The following MCC variants were observed in gnomAD, a reference collection of about 807,000 sequenced individuals.
The protein encoded by MCC is colorectal mutant cancer protein.
A neutral mutation model predicts 116.2 loss-of-function variants in MCC; 90 were observed. That is an observed-to-expected ratio of 0.77 (90% CI 0.65 to 0.92). The LOEUF (loss-of-function observed/expected upper bound fraction) is 0.92, where lower values mean the gene tolerates loss of function less well. Among genes scored for constraint, MCC ranks in the 40% least tolerant of loss-of-function variants. The pLI is 0.00. For synonymous variants in MCC, 578 were observed against 510.5 expected, an observed-to-expected ratio of 1.13 and a Z score of -1.78; for missense variants, 1,516 against 1,312.2, an observed-to-expected ratio of 1.16 and a Z score of -2.40.
At chr5:113,446,730 C>A (rs1168727528) in intron 1 of MCC, among the ~76,000 whole-genome samples, 1 of 152,142 alleles carries the variant, frequency 6.6e-6, no homozygotes, top group Non-Finnish European at 1.5e-5. Context: ...CATGTTCTCA[C>A]CTATAAGTGG....
chr5:113,470,515 T>C (rs1772054767), intron 1 of MCC, among the ~76,000 whole-genome samples: 2 of 152,358 alleles, frequency 1.3e-5, no homozygotes, highest in South Asian at 4.1e-4. Flanking sequence ...TCGTCCCCAC[T>C]CTCTTCTGGC....
intron 1 of MCC, among the ~76,000 whole-genome samples, chr5:113,446,698 C>A (rs1771228480): frequency 1.3e-5 from 2 of 152,014 alleles, no homozygotes; most frequent in African/African-American, 4.8e-5. Flanking sequence ...AAAAATAGAC[C>A]CAGCAATCCC....
At chr5:113,414,977 A>C (rs9716322) in intron 1 of MCC, among the ~76,000 whole-genome samples, 21,313 of 151,990 alleles carry the variant, frequency 0.14, 1,794 homozygotes, top group Non-Finnish European at 0.2. Context: ...GACAAAATCT[A>C]TCAGCATTTG....
At chr5:113,329,311 G>A (rs1767638520) in intron 3 of MCC, among the ~76,000 whole-genome samples, 2 of 151,972 alleles carry the variant, frequency 1.3e-5, no homozygotes, top group African/African-American at 4.8e-5. Context: ...CCTCTAGTTG[G>A]GTGAATTGGA....
rs980572906 is a variant in MCC, at chr5:113,478,312, G to A, written c.170+9933C>T. 2.0e-5 allele frequency among the ~76,000 whole-genome samples: 3 copies of A among 152,206 alleles called. No homozygotes were observed. In the South Asian group the frequency reaches 6.2e-4, roughly 32 times the overall value. On this transcript the variant is annotated intron_variant, in intron 1 of 18. Coordinates refer to ENST00000408903, the MANE Select transcript of MCC (RefSeq NM_001085377.2). ...GCAGCAAGAGTAGAAGTAGGAGTCTGTTATAATAGACATGGTGATAAACAA... is the reference window on the plus strand; with the variant it reads ...GCAGCAAGAGTAGAAGTAGGAGTCTATTATAATAGACATGGTGATAAACAA...
intron 2 of MCC, among the ~76,000 whole-genome samples, chr5:113,357,731 A>G (rs1194426104): frequency 6.6e-6 from 1 of 152,206 alleles, no homozygotes; most frequent in Non-Finnish European, 1.5e-5. Context: ...GCCTGAAGTG[A>G]GCATGTGTAC....
chr5:113,191,797 C>T (rs530865375), intron 3 of MCC, among the ~76,000 whole-genome samples: 69 of 152,302 alleles, frequency 4.5e-4, no homozygotes, highest in African/African-American at 1.6e-3. Context: ...CCACCACTCC[C>T]CATGAAGGCC....
At chr5:113,071,979 C>A (rs1054225582) in intron 11 of MCC, among the ~76,000 whole-genome samples, 1 of 152,198 alleles carries the variant, frequency 6.6e-6, no homozygotes. Flanking sequence ...TGAAGTTTTA[C>A]AAGATTCAGA....
intron 6 of MCC, among the ~76,000 whole-genome samples, chr5:113,117,468 T>C (rs1035648194): frequency 3.3e-5 from 5 of 152,210 alleles, no homozygotes; most frequent in African/African-American, 1.2e-4. Flanking sequence ...ACCCTAAGGG[T>C]ATAAACCTCA....
intron 2 of MCC, among the ~76,000 whole-genome samples, chr5:113,368,307 A>C (rs1334136713): frequency 3.9e-5 from 6 of 152,204 alleles, no homozygotes; most frequent in Admixed American, 3.9e-4. Context: ...ATAATTGGTC[A>C]GAGTTTATCT....
At chr5:113,169,076 C>T (rs1760928441) in intron 3 of MCC, among the ~76,000 whole-genome samples, 1 of 152,010 alleles carries the variant, frequency 6.6e-6, no homozygotes, top group African/African-American at 2.4e-5. Context: ...TTAAAGAAAT[C>T]TTGAAACTCC....
chr5:113,459,133 ATGTGTGTGTGTGTGTGTGTG>A (rs542497591), intron 1 of MCC, among the ~76,000 whole-genome samples: 7 of 68,362 alleles, frequency 1.0e-4, no homozygotes, highest in African/African-American at 2.9e-4. Flanking sequence ...GAGTAAGGAT[ATGTGTGTGTGTGTGTGTGTG>A]TGTGTGTGTG....
At chr5:113,131,735 T>C (rs1758438919) in intron 5 of MCC, among the ~76,000 whole-genome samples, 1 of 152,168 alleles carries the variant, frequency 6.6e-6, no homozygotes, top group Non-Finnish European at 1.5e-5. Context: ...CCCACCTCCC[T>C]CTGCCTTCCA....
intron 5 of MCC, among the ~76,000 whole-genome samples, chr5:113,141,299 T>G (rs1245356654): frequency 6.6e-6 from 1 of 152,226 alleles, no homozygotes; most frequent in African/African-American, 2.4e-5. Context: ...TTCTCTGTTC[T>G]GAGCTTTTCA....
chr5:113,127,509 ATC>A (rs1758132783), intron 5 of MCC, among the ~76,000 whole-genome samples: 1 of 152,150 alleles, frequency 6.6e-6, no homozygotes, highest in African/African-American at 2.4e-5. Flanking sequence ...CCTCACCAGC[ATC>A]TGTTATTTTT....
intron 8 of MCC, among the ~76,000 whole-genome samples, chr5:113,100,482 T>TTA (rs1228961590): frequency 7.1e-6 from 1 of 141,336 alleles, no homozygotes; most frequent in Non-Finnish European, 1.5e-5. Context: ...TTTTTTTTTT[T>TTA]TTTTTTGGAC....
At chr5:113,064,428 A>C (rs1191190664) in intron 13 of MCC, among the ~76,000 whole-genome samples, 1 of 152,228 alleles carries the variant, frequency 6.6e-6, no homozygotes, top group Admixed American at 6.5e-5. Flanking sequence ...CAATGGGATC[A>C]CCACATTTCT....
intron 3 of MCC, among the ~76,000 whole-genome samples, chr5:113,310,957 A>G (rs1767122441): frequency 6.6e-6 from 1 of 152,204 alleles, no homozygotes; most frequent in Admixed American, 6.5e-5. Flanking sequence ...CTAGAGATAT[A>G]ATAGCAATTA....
chr5:113,151,481 T>G lies in MCC; in HGVS notation c.628-59A>C, dbSNP rs1318373432. 4.4e-6 allele frequency: 4 copies of G among 907,624 alleles called. No individual in the cohort carries two copies. The African/African-American group carries it at 6.7e-5, about 15-fold the overall frequency. The allele number at this position is 907,624 out of a possible 1,614,324, so 56.2% of individuals were successfully genotyped here. A position where few individuals can be genotyped will look rare whatever the true frequency, so the allele number is the denominator to read the frequency against. ...GTAGCAGAGATGTATTTCCTTCCCT[T>G]CATTCCCGCAACTAGTATAACCAAA... On this transcript the variant is annotated intron_variant, in intron 3 of 18. Coordinates refer to ENST00000408903, the MANE Select transcript of MCC (RefSeq NM_001085377.2).
Sources: gnomAD v4.1 joint callset for allele counts (sites outside exome capture counted in the v4.1 genomes callset) on GRCh38, gnomAD v4.1.1 for gene constraint, MANE v1.5 for transcripts, NCBI Gene and HGNC (gene_info 2026-07-23, HGNC 2026-07-21) for gene names.